Variants in ARK2C observed in about 807,000 individuals in gnomAD.
ARK2C encodes E3 ubiquitin-protein ligase ARK2C.
the ARK2C span, among the ~76,000 whole-genome samples, chr18:46,446,563 T>C: frequency 6.7e-6 from 1 of 148,536 alleles, no homozygotes; most frequent in Admixed American, 6.8e-5. Context: ...CCCAGCTACT[T>C]GGGTGGCTGA....
chr18:46,458,927 C>T, the ARK2C span: 1 of 152,186 alleles, frequency 6.6e-6, no homozygotes, highest in Non-Finnish European at 1.5e-5. Context: ...GTCTCCAGGG[C>T]TAAAGGCTGG....
the ARK2C span, among the ~76,000 whole-genome samples, chr18:46,436,284 G>C: frequency 6.6e-6 from 1 of 152,166 alleles, no homozygotes; most frequent in Non-Finnish European, 1.5e-5. Context: ...GTATGTGTGT[G>C]TGTGTGCGTG....
the ARK2C span, among the ~76,000 whole-genome samples, chr18:46,369,857 G>T: frequency 2.0e-5 from 3 of 152,176 alleles, no homozygotes; most frequent in Admixed American, 6.5e-5. Context: ...TTGGTATCAG[G>T]GTAGAGCCCG....
At chr18:46,341,506 G>A in the ARK2C span, among the ~76,000 whole-genome samples, 3 of 152,160 alleles carry the variant, frequency 2.0e-5, no homozygotes, top group African/African-American at 7.2e-5. Context: ...AGTCCATTTT[G>A]GTGAGAATTG....
At chr18:46,389,876 G>A in the ARK2C span, among the ~76,000 whole-genome samples, 5 of 152,062 alleles carry the variant, frequency 3.3e-5, no homozygotes, top group African/African-American at 7.2e-5. Context: ...CTATAGGCAC[G>A]TGCCACCATA....
chr18:46,361,636 T>C, the ARK2C span, among the ~76,000 whole-genome samples: 1 of 152,204 alleles, frequency 6.6e-6, no homozygotes, highest in East Asian at 1.9e-4. Flanking sequence ...TCATTCAATA[T>C]ACATGATTAT....
At chr18:46,353,434 C>T in the ARK2C span, among the ~76,000 whole-genome samples, 254 of 152,296 alleles carry the variant, frequency 1.7e-3, 5 homozygotes, top group Middle Eastern at 3.4e-3. Context: ...GGTCTGTGAC[C>T]TCTTGACAGG....
the ARK2C span, among the ~76,000 whole-genome samples, chr18:46,396,466 C>T: frequency 6.6e-6 from 1 of 152,214 alleles, no homozygotes; most frequent in African/African-American, 2.4e-5. Context: ...GGATGGTGAA[C>T]TCCATGACAG....
chr18:46,434,628 C>T, the ARK2C span, among the ~76,000 whole-genome samples: 3 of 152,166 alleles, frequency 2.0e-5, no homozygotes, highest in Non-Finnish European at 2.9e-5. Context: ...ACCTCTTGAA[C>T]CACCTGAAAG....
At chr18:46,416,173 T>C in the ARK2C span, among the ~76,000 whole-genome samples, 1 of 152,162 alleles carries the variant, frequency 6.6e-6, no homozygotes, top group East Asian at 1.9e-4. Context: ...AAATCAGTGC[T>C]TTGCATTCTC....
the ARK2C span, chr18:46,458,549 G>A: frequency 6.6e-6 from 1 of 152,652 alleles, no homozygotes; most frequent in Non-Finnish European, 1.5e-5. Context: ...AGTCTGTATT[G>A]CTGCTACAAG....
At chr18:46,334,705 TGTGTGTGTGTGA>T in the ARK2C span, 13,004 of 273,114 alleles carry the variant, frequency 0.048, 25 homozygotes, top group East Asian at 0.055. The surrounding 1 kb of genome is among the most constrained non-coding windows in gnomAD (Gnocchi z 4.4). Context: ...TGTGTGTGTG[TGTGTGTGTGTGA>T]GAGAGAGAGA....
At chr18:46,458,139 A>G in the ARK2C span, 1 of 152,460 alleles carries the variant, frequency 6.6e-6, no homozygotes, top group African/African-American at 2.4e-5. Context: ...AGCGTGTTCT[A>G]TGCTCTCTTC....
the ARK2C span, among the ~76,000 whole-genome samples, chr18:46,413,736 A>G: frequency 6.6e-6 from 1 of 152,122 alleles, no homozygotes; most frequent in African/African-American, 2.4e-5. Context: ...TACTCTTAAA[A>G]ACTGCTCTGT....
At chr18:46,447,194 C>T in the ARK2C span, among the ~76,000 whole-genome samples, 1 of 152,330 alleles carries the variant, frequency 6.6e-6, no homozygotes, top group South Asian at 2.1e-4. Context: ...CAGCTCCCTC[C>T]TCCACTTTTA....
chr18:46,392,658 C>T, the ARK2C span, among the ~76,000 whole-genome samples: 13 of 152,280 alleles, frequency 8.5e-5, no homozygotes, highest in Admixed American at 4.6e-4. Context: ...CTGGGGGACA[C>T]TGGGCCAGCC....
the ARK2C span, among the ~76,000 whole-genome samples, chr18:46,385,491 C>G: frequency 6.6e-6 from 1 of 152,228 alleles, no homozygotes; most frequent in African/African-American, 2.4e-5. Context: ...TAGCGTGGCT[C>G]TACTGACTCT....
chr18:46,336,923 A>G, the ARK2C span: 1 of 985,442 alleles, frequency 1.0e-6, no homozygotes, highest in Admixed American at 6.1e-5. Context: ...CTGCTATCCC[A>G]TAGCCTCTGA....
chr18:46,439,873 C>A, the ARK2C span, among the ~76,000 whole-genome samples: 1 of 152,280 alleles, frequency 6.6e-6, no homozygotes, highest in South Asian at 2.1e-4. Context: ...GCTCTGTCGC[C>A]AGGCTGGAAT....
Sources: gnomAD v4.1 joint callset for allele counts (sites outside exome capture counted in the v4.1 genomes callset) on GRCh38, gnomAD v4.1.1 for gene constraint, Gnocchi (gnomAD v3.1) non-coding constraint, MANE v1.5 for transcripts, NCBI Gene and HGNC (gene_info 2026-07-23, HGNC 2026-07-21) for gene names.